Variants in ADGRL3 observed in about 807,000 individuals in gnomAD.
ADGRL3 encodes the protein calcium-independent alpha-latrotoxin receptor 3.
Under a neutral mutation model 153.5 loss-of-function variants are expected in ADGRL3, and 62 were observed. The ratio of observed to expected loss-of-function variants is 0.40; its 90% CI spans 0.33 to 0.50. ADGRL3 has a LOEUF of 0.50. Among genes scored for constraint, ADGRL3 ranks in the 20% least tolerant of loss-of-function variants. The probability of loss-of-function intolerance (pLI) is 0.47; values close to 1 mark genes in which losing one functional copy is unlikely to be tolerated. For synonymous variants in ADGRL3, 710 were observed against 672.5 expected (o/e 1.06, Z -0.86); for missense variants, 1,641 against 1,859.4 (o/e 0.88, Z 2.16).
chr4:61,577,282 G>A (rs919050402), intron 4 of ADGRL3, among the ~76,000 whole-genome samples: 1 of 151,724 alleles, frequency 6.6e-6, no homozygotes, highest in African/African-American at 2.4e-5. Context: ...TCAAAAGCAT[G>A]TATAGTGCAG....
chr4:61,469,650 TAAAG>T (rs1175096696), intron 2 of ADGRL3, among the ~76,000 whole-genome samples: 1 of 152,064 alleles, frequency 6.6e-6, no homozygotes, highest in Non-Finnish European at 1.5e-5. Flanking sequence ...TTAGGATAGA[TAAAG>T]AGAATAAATA....
chr4:61,326,964 T>C (rs1191087221), intron 1 of ADGRL3, among the ~76,000 whole-genome samples: 1 of 152,040 alleles, frequency 6.6e-6, no homozygotes, highest in African/African-American at 2.4e-5. Flanking sequence ...TTATTTGATA[T>C]AGGGTTATGT....
At chr4:62,029,964 C>T (rs915844794) in intron 22 of ADGRL3, among the ~76,000 whole-genome samples, 2 of 151,368 alleles carry the variant, frequency 1.3e-5, no homozygotes, top group African/African-American at 4.8e-5. Flanking sequence ...AATATTAACA[C>T]CTAAAATGTT....
At position 61,362,414 on chromosome 4, in the gene ADGRL3, GT is replaced by G. The variant is rs1486900719; in HGVS notation, c.-239-20709del. 6.6e-5 allele frequency among the ~76,000 whole-genome samples: 10 copies of G among 151,464 alleles called. 1 individual carries two copies. Among genetic ancestry groups the G allele is most frequent in the South Asian group, 4.2e-4 (2 of 4,780 alleles). On this transcript the variant is annotated intron_variant, in intron 1 of 26. Transcript: ENST00000683033. ...TGTTAGGAGCACCACCCCTCCACCTGTCCCCCAACCCAACACCATGTAGTTG... is the reference window on the plus strand; with the variant it reads ...TGTTAGGAGCACCACCCCTCCACCTGCCCCCAACCCAACACCATGTAGTTG...
chr4:61,228,327 G>A (rs570878750), intron 1 of ADGRL3, among the ~76,000 whole-genome samples: 3 of 152,232 alleles, frequency 2.0e-5, no homozygotes, highest in East Asian at 3.9e-4. Context: ...ATCATTAAAT[G>A]TTACTGATAC....
At chr4:61,698,943 T>G (rs893662364) in intron 6 of ADGRL3, among the ~76,000 whole-genome samples, 16 of 152,364 alleles carry the variant, frequency 1.1e-4, no homozygotes, top group African/African-American at 3.8e-4. Context: ...CTTTAGCATC[T>G]CACTTAAACC....
intron 1 of ADGRL3, among the ~76,000 whole-genome samples, chr4:61,369,662 G>C (rs533380054): frequency 6.6e-6 from 1 of 152,278 alleles, no homozygotes; most frequent in Non-Finnish European, 1.5e-5. Flanking sequence ...TTGCATCAAT[G>C]TTCATCAAGG....
chr4:61,215,040 A>G (rs1487425612), intron 1 of ADGRL3, among the ~76,000 whole-genome samples: 4 of 152,138 alleles, frequency 2.6e-5, no homozygotes, highest in Non-Finnish European at 5.9e-5. Context: ...TTTGAAATCA[A>G]TTTTCCAGTA....
chr4:62,006,017 TATATATATATATA>T (rs1407300818), intron 21 of ADGRL3, among the ~76,000 whole-genome samples: 3 of 101,094 alleles, frequency 3.0e-5, no homozygotes, highest in Non-Finnish European at 4.1e-5. Context: ...TATATATATA[TATATATATATATA>T]TATTTTTTTT....
chr4:61,973,061 C>T (rs1200691448), intron 17 of ADGRL3, among the ~76,000 whole-genome samples: 1 of 151,370 alleles, frequency 6.6e-6, no homozygotes, highest in East Asian at 1.9e-4. Context: ...TAGTTTGTAT[C>T]CCATCTGGAA....
At chr4:61,794,971 A>C (rs1026369793) in intron 8 of ADGRL3, among the ~76,000 whole-genome samples, 1 of 152,228 alleles carries the variant, frequency 6.6e-6, no homozygotes, top group Non-Finnish European at 1.5e-5. Context: ...TTTCATGCCT[A>C]AGCAGTTCAG....
At chr4:62,050,982 A>G (rs1366343024) in intron 25 of ADGRL3, among the ~76,000 whole-genome samples, 1 of 151,558 alleles carries the variant, frequency 6.6e-6, no homozygotes, top group Non-Finnish European at 1.5e-5. Flanking sequence ...GTAAATTTTT[A>G]TTTTGAGAAT....
chr4:61,403,113 C>G (rs2096951439), intron 2 of ADGRL3, among the ~76,000 whole-genome samples: 1 of 152,090 alleles, frequency 6.6e-6, no homozygotes, highest in African/African-American at 2.4e-5. Flanking sequence ...GAGCACTAAT[C>G]CTACTGGGAA....
chr4:61,208,315 T>G (rs574174863), intron 1 of ADGRL3, among the ~76,000 whole-genome samples: 2 of 152,310 alleles, frequency 1.3e-5, no homozygotes, highest in Non-Finnish European at 2.9e-5. Context: ...TTTCCTGGTA[T>G]TTTTAATGGA....
intron 8 of ADGRL3, among the ~76,000 whole-genome samples, chr4:61,736,531 G>A (rs2096517033): frequency 6.6e-6 from 1 of 152,120 alleles, no homozygotes; most frequent in Non-Finnish European, 1.5e-5. Flanking sequence ...GGTGGTGGGT[G>A]CCTGTAATCC....
At chr4:61,213,617 A>G (rs1036085038) in intron 1 of ADGRL3, among the ~76,000 whole-genome samples, 10 of 152,130 alleles carry the variant, frequency 6.6e-5, no homozygotes, top group African/African-American at 2.2e-4. Context: ...GATTATCTGC[A>G]TCTGTATTGT....
intron 2 of ADGRL3, among the ~76,000 whole-genome samples, chr4:61,411,169 A>G (rs1338570414): frequency 1.3e-5 from 2 of 152,136 alleles, no homozygotes; most frequent in Non-Finnish European, 2.9e-5. Flanking sequence ...TTGTCCCAAC[A>G]ATGTCAGTTA....
intron 1 of ADGRL3, among the ~76,000 whole-genome samples, chr4:61,323,662 C>T (rs1270962681): frequency 1.3e-5 from 2 of 152,176 alleles, no homozygotes; most frequent in Admixed American, 6.5e-5. Context: ...TCATCTCCAT[C>T]TGAGACCACC....
At chr4:61,583,439 G>T (rs1277562848) in intron 4 of ADGRL3, among the ~76,000 whole-genome samples, 1 of 152,116 alleles carries the variant, frequency 6.6e-6, no homozygotes, top group African/African-American at 2.4e-5. Context: ...TTTCAATAAT[G>T]AAGTGGCTAA....
Sources: gnomAD v4.1 joint callset for allele counts (sites outside exome capture counted in the v4.1 genomes callset) on GRCh38, gnomAD v4.1.1 for gene constraint, MANE v1.5 for transcripts, NCBI Gene and HGNC (gene_info 2026-07-23, HGNC 2026-07-21) for gene names.